The following USP6NL variants were observed in gnomAD, a reference collection of about 807,000 sequenced individuals.
The protein encoded by USP6NL is USP6 N-terminal like.
USP6NL carries 26 observed loss-of-function variants against 61.9 expected under a neutral mutation model. The ratio of observed to expected loss-of-function variants is 0.42; its 90% CI spans 0.31 to 0.58. The LOEUF (loss-of-function observed/expected upper bound fraction) is 0.58, where lower values mean the gene tolerates loss of function less well. Among genes scored for constraint, USP6NL ranks in the 20% least tolerant of loss-of-function variants. The pLI is 0.16. For missense variants in USP6NL, 1,114 were observed against 1,034.3 expected, an observed-to-expected ratio of 1.08 and a Z score of -1.06; for synonymous variants, 432 against 390.1, an observed-to-expected ratio of 1.11 and a Z score of -1.27.
In USP6NL at chr10:11,597,364, T is replaced by C. The variant is rs1205373002; in HGVS notation, c.4+267A>G. On this transcript the variant is annotated intron_variant, in intron 2 of 14. Coordinates refer to ENST00000609104, the MANE Select transcript of USP6NL (RefSeq NM_014688.5). The surrounding 1 kb of genome is among the most constrained non-coding windows in gnomAD (Gnocchi z 4.6). Reference sequence around the variant, plus strand: ...GAACCGTTTTCCAATGGCAAGTCAATAGAAAATTTTAGATCACAGAACTAA... The same window carrying C: ...GAACCGTTTTCCAATGGCAAGTCAACAGAAAATTTTAGATCACAGAACTAA... 6.6e-6 allele frequency among the ~76,000 whole-genome samples: 1 copy of C among 152,180 alleles called. No individual in the cohort carries two copies. The highest frequency in any genetic ancestry group is 2.4e-5 in the African/African-American group (1 of 41,440).
At position 11,511,541 on chromosome 10, in the gene USP6NL, A is replaced by C. The variant is rs960526161; in HGVS notation, c.196-1866T>G. Among the ~76,000 whole-genome samples the C allele has an allele frequency of 6.6e-6, 1 of 152,220 alleles. No homozygotes were observed. Among genetic ancestry groups the C allele is most frequent in the Non-Finnish European group, 1.5e-5 (1 of 68,026 alleles). On this transcript the variant is annotated intron_variant, in intron 5 of 14. Coordinates refer to ENST00000609104, the MANE Select transcript of USP6NL (RefSeq NM_014688.5). This position sits in a 1 kb window ranked among gnomAD's most constrained non-coding sequence, Gnocchi z 4.9. ...AAATAATTCAAGCCAACCCAAGAGT[A>C]TAACAACATACACTTTGCCAGGAAC...
chr10:11,478,238 C>T lies in USP6NL; in HGVS notation c.1078+3532G>A, dbSNP rs529620076. Among the ~76,000 whole-genome samples, 160 of 152,318 alleles carry T rather than the reference C, an allele frequency of 1.1e-3. No homozygotes were observed. Among genetic ancestry groups the T allele is most frequent in the African/African-American group, 3.7e-3 (154 of 41,572 alleles). ...TGCAGAGCCCCTGCTTAGGCTCCAA[C>T]GCCAGTGGCAGCAGCGACGTCCACA... On this transcript the variant is annotated intron_variant, in intron 14 of 14. Transcript: ENST00000609104. This position sits in a 1 kb window ranked among gnomAD's most constrained non-coding sequence, Gnocchi z 6.8.
At chr10:11,517,935 T>C (rs1835026881) in intron 5 of USP6NL, among the ~76,000 whole-genome samples, 1 of 152,188 alleles carries the variant, frequency 6.6e-6, no homozygotes, top group African/African-American at 2.4e-5. Flanking sequence ...CTTAAAACAT[T>C]CCGTCACTAC....
chr10:11,525,313 A>C lies in USP6NL; in HGVS notation c.155+73T>G. On this transcript the variant is annotated intron_variant, in intron 4 of 14. Coordinates refer to ENST00000609104, the MANE Select transcript of USP6NL (RefSeq NM_014688.5). The surrounding 1 kb of genome is among the most constrained non-coding windows in gnomAD (Gnocchi z 5.0). ...TTCACAGCAATTATATTAAAAATAA[A>C]GAAAATCAATATAATAGGTGACCAC... 1.6e-6 allele frequency: 2 copies of C among 1,232,142 alleles called. No homozygotes were observed. The highest frequency in any genetic ancestry group is 2.3e-6 in the Non-Finnish European group (2 of 881,874). 76.3% of individuals were successfully genotyped at this position (1,232,142 alleles called of 1,614,324 possible). A position where few individuals can be genotyped will look rare whatever the true frequency, so the allele number is the denominator to read the frequency against.
intron 2 of USP6NL, among the ~76,000 whole-genome samples, chr10:11,582,301 A>G (rs1837801617): frequency 6.6e-6 from 1 of 152,128 alleles, no homozygotes; most frequent in Non-Finnish European, 1.5e-5. Flanking sequence ...GGGTTTTGCC[A>G]TGTTGGCCAG....
At chr10:11,571,768 A>C (rs1441708987) in intron 2 of USP6NL, among the ~76,000 whole-genome samples, 1 of 151,544 alleles carries the variant, frequency 6.6e-6, no homozygotes, top group East Asian at 1.9e-4. Flanking sequence ...CTGCAAAAGG[A>C]TAAAATAGTA....
At chr10:11,464,894 G>A (rs1832383454) in intron 14 of USP6NL, among the ~76,000 whole-genome samples, 1 of 152,178 alleles carries the variant, frequency 6.6e-6, no homozygotes, top group Non-Finnish European at 1.5e-5. Flanking sequence ...TGAAATGCCA[G>A]GAATGGAGAA....
rs1244734824 is a variant in USP6NL at position 11,550,496 on chromosome 10, C to T, written c.5-22929G>A. Among the ~76,000 whole-genome samples the T allele has an allele frequency of 2.6e-5, 4 of 152,126 alleles. No individual in the cohort carries two copies. The South Asian group carries it at 8.3e-4, about 32-fold the overall frequency. On this transcript the variant is annotated intron_variant, in intron 2 of 14. Transcript: ENST00000609104. ...AGAGGCCGAGCACTGTGGCTCACAC[C>T]TGTAATCCCAGCACTTTGGGAGGCC... is the stretch of plus-strand genomic sequence containing the variant.
rs890140224 is a variant in USP6NL, at chr10:11,468,093, G to C, written c.1079-4244C>G. 1.6e-4 allele frequency among the ~76,000 whole-genome samples: 25 copies of C among 152,212 alleles called. No individual in the cohort carries two copies. Among genetic ancestry groups the C allele is most frequent in the Non-Finnish European group, 3.1e-4 (21 of 68,042 alleles). On this transcript the variant is annotated intron_variant, in intron 14 of 14. Coordinates refer to ENST00000609104, the MANE Select transcript of USP6NL (RefSeq NM_014688.5). This position sits in a 1 kb window ranked among gnomAD's most constrained non-coding sequence, Gnocchi z 4.5. The stretch of plus-strand genomic sequence containing the variant: ...GCATCGCTTGATGGAGTCATGATGA[G>C]TGATCACCTTCTTTGCTTTCTGAGT...
chr10:11,503,960 T>G (rs1834323963), intron 6 of USP6NL, among the ~76,000 whole-genome samples: 1 of 152,038 alleles, frequency 6.6e-6, no homozygotes, highest in Non-Finnish European at 1.5e-5. Context: ...ATACATGGAA[T>G]AGCGAACAGG....
At chr10:11,524,664 T>C (rs1835348020) in intron 4 of USP6NL, among the ~76,000 whole-genome samples, 1 of 152,206 alleles carries the variant, frequency 6.6e-6, no homozygotes, top group Non-Finnish European at 1.5e-5. Context: ...AAATAAAAAG[T>C]CCTGGCTTTT....
rs1407159058 is a variant in USP6NL, at chr10:11,513,335, G to A, written c.196-3660C>T. Among the ~76,000 whole-genome samples the A allele has an allele frequency of 2.6e-5, 4 of 152,224 alleles. No individual in the cohort carries two copies. The highest frequency in any genetic ancestry group is 5.9e-5 in the Non-Finnish European group (4 of 68,036). ...ATATCCCGTATGTGGCAGAATGGTA[G>A]AAATGGAATTATTCCATCATGCGGG... On this transcript the variant is annotated intron_variant, in intron 5 of 14. Transcript: ENST00000609104. This position sits in a 1 kb window ranked among gnomAD's most constrained non-coding sequence, Gnocchi z 4.7.
At position 11,467,739 on chromosome 10, in the gene USP6NL, GAAAT is replaced by G. The variant is rs548908614; in HGVS notation, c.1079-3894_1079-3891del. Among the ~76,000 whole-genome samples, 707 of 152,236 alleles carry G rather than the reference GAAAT, an allele frequency of 4.6e-3. 8 individuals carry two copies. The highest frequency in any genetic ancestry group is 0.016 in the African/African-American group (674 of 41,542). ...CATATGTCTACAAAAATGACTGAAAGAAATAAACGCTAGTAGTCATTAATATAGT... is the reference window on the plus strand; with the variant it reads ...CATATGTCTACAAAAATGACTGAAAGAAACGCTAGTAGTCATTAATATAGT... On this transcript the variant is annotated intron_variant, in intron 14 of 14. Coordinates refer to ENST00000609104, the MANE Select transcript of USP6NL (RefSeq NM_014688.5).
intron 2 of USP6NL, among the ~76,000 whole-genome samples, chr10:11,536,880 CCT>C (rs1835856355): frequency 1.3e-5 from 2 of 152,310 alleles, no homozygotes; most frequent in Admixed American, 1.3e-4. Context: ...GGCTTCCTTT[CCT>C]CTTTCTTATG....
intron 2 of USP6NL, among the ~76,000 whole-genome samples, chr10:11,531,347 G>A (rs529870363): frequency 4.0e-5 from 6 of 151,068 alleles, no homozygotes; most frequent in East Asian, 3.9e-4. Context: ...TTTTGAGACC[G>A]AGTCTCACTC....
At chr10:11,546,631 T>C (rs930182008) in intron 2 of USP6NL, among the ~76,000 whole-genome samples, 1 of 152,170 alleles carries the variant, frequency 6.6e-6, no homozygotes, top group East Asian at 1.9e-4. Flanking sequence ...TTGCCCAGAC[T>C]GGTCTCAAAC....
Position 11,588,133 on chromosome 10 carries a change from G to A in USP6NL, c.4+9498C>T, listed in dbSNP as rs182522929. Among the ~76,000 whole-genome samples, 13 of 152,322 alleles carry A rather than the reference G, an allele frequency of 8.5e-5. No individual in the cohort carries two copies. The East Asian group carries it at 2.5e-3, about 29-fold the overall frequency. On this transcript the variant is annotated intron_variant, in intron 2 of 14. Transcript: ENST00000609104. ...GAATAGTCTATAAAACAGCTGGTCTGTTGTCTTCAAAAACATCAATATCAC... is the reference window on the plus strand; with the variant it reads ...GAATAGTCTATAAAACAGCTGGTCTATTGTCTTCAAAAACATCAATATCAC...
Position 11,574,607 on chromosome 10 carries a change from C to T in USP6NL, c.4+23024G>A, listed in dbSNP as rs1232389607. 6.6e-6 allele frequency among the ~76,000 whole-genome samples: 1 copy of T among 152,216 alleles called. No homozygotes were observed. Among genetic ancestry groups the T allele is most frequent in the Non-Finnish European group, 1.5e-5 (1 of 68,040 alleles). The stretch of plus-strand genomic sequence containing the variant: ...AAAAATGACACTCAGGTGAACATGG[C>T]TAAATGCTATGTTTATTAAACTGAT... On this transcript the variant is annotated intron_variant, in intron 2 of 14. Transcript: ENST00000609104. This position sits in a 1 kb window ranked among gnomAD's most constrained non-coding sequence, Gnocchi z 4.3.
rs181244932 is a variant in USP6NL, at chr10:11,472,914, A to C, written c.1078+8856T>G. 3.0e-3 allele frequency among the ~76,000 whole-genome samples: 462 copies of C among 152,318 alleles called. 3 individuals are homozygous for C. The highest frequency in any genetic ancestry group is 5.1e-3 in the Non-Finnish European group (347 of 68,034). The stretch of plus-strand genomic sequence containing the variant: ...TATAAACCTATTTAATGCCACATAA[A>C]TTCAAGAGGTCTTTGTTAAGTAACT... On this transcript the variant is annotated intron_variant, in intron 14 of 14. Coordinates refer to ENST00000609104, the MANE Select transcript of USP6NL (RefSeq NM_014688.5).
Sources: allele counts gnomAD v4.1 joint callset (sites outside exome capture counted in the v4.1 genomes callset), GRCh38; gene constraint gnomAD v4.1.1; non-coding constraint Gnocchi (gnomAD v3.1); transcripts MANE v1.5; gene names NCBI Gene and HGNC (gene_info 2026-07-23, HGNC 2026-07-21).